Variants in GPC6 observed in about 807,000 individuals in gnomAD.
GPC6 encodes the protein glypican-6.
In GPC6, 14 loss-of-function variants were observed where a neutral mutation model predicts 55.2. The observed-to-expected ratio is 0.25, with a 90% CI of 0.17 to 0.40. The LOEUF (loss-of-function observed/expected upper bound fraction) is 0.40. GPC6 is among the 10% of genes least tolerant of loss of function. GPC6 has a pLI of 1.00. For missense variants in GPC6, 641 were observed against 708.5 expected (o/e 0.90, Z 1.08); for synonymous variants, 278 against 259.6 (o/e 1.07, Z -0.68).
chr13:94,013,578 G>C (rs1882337574), intron 3 of GPC6, among the ~76,000 whole-genome samples: 1 of 152,120 alleles, frequency 6.6e-6, no homozygotes, highest in Non-Finnish European at 1.5e-5. Flanking sequence ...TCGAATGCCT[G>C]ACCTCAGGTG....
At chr13:94,175,784 A>G (rs577391893) in intron 4 of GPC6, among the ~76,000 whole-genome samples, 12 of 149,418 alleles carry the variant, frequency 8.0e-5, no homozygotes, top group African/African-American at 2.7e-4. Context: ...ATATATAAGC[A>G]TATATACATA....
intron 1 of GPC6, among the ~76,000 whole-genome samples, chr13:93,415,613 C>T (rs991074112): frequency 6.6e-5 from 10 of 152,072 alleles, no homozygotes; most frequent in Admixed American, 2.0e-4. Context: ...AGACTGCCTT[C>T]GAGAATACCA....
intron 1 of GPC6, among the ~76,000 whole-genome samples, chr13:93,269,857 A>C (rs1207178660): frequency 7.2e-6 from 1 of 139,256 alleles, no homozygotes; most frequent in Non-Finnish European, 1.5e-5. Context: ...GCGTCACTGC[A>C]CTCCAGCCTG....
intron 1 of GPC6, among the ~76,000 whole-genome samples, chr13:93,271,161 C>T (rs533697030): frequency 6.6e-6 from 1 of 152,232 alleles, no homozygotes; most frequent in Non-Finnish European, 1.5e-5. Context: ...GGAGAGAGGC[C>T]TGGCGTATTC....
chr13:93,518,270 C>T (rs868427931), intron 1 of GPC6, among the ~76,000 whole-genome samples: 4 of 151,698 alleles, frequency 2.6e-5, no homozygotes, highest in African/African-American at 4.8e-5. Context: ...GGAGACTTCC[C>T]GGCTTCCTTA....
intron 2 of GPC6, among the ~76,000 whole-genome samples, chr13:93,804,887 A>G (rs1886495600): frequency 6.6e-6 from 1 of 152,186 alleles, no homozygotes; most frequent in South Asian, 2.1e-4. Flanking sequence ...GAGAACAGAA[A>G]GGGTCATTTC....
chr13:93,983,775 T>C (rs1880907024), intron 3 of GPC6, among the ~76,000 whole-genome samples: 1 of 105,920 alleles, frequency 9.4e-6, no homozygotes. Flanking sequence ...AAGTTTTTCA[T>C]ATTTTTGTTA....
chr13:94,104,999 G>T (rs182542594), intron 4 of GPC6, among the ~76,000 whole-genome samples: 1 of 152,046 alleles, frequency 6.6e-6, no homozygotes, highest in Non-Finnish European at 1.5e-5. Flanking sequence ...AAAAGAGCCC[G>T]CATTGCCAAC....
chr13:93,559,729 G>T (rs1448007860), intron 2 of GPC6, among the ~76,000 whole-genome samples: 1 of 152,136 alleles, frequency 6.6e-6, no homozygotes, highest in Non-Finnish European at 1.5e-5. Flanking sequence ...CATAGAAAAT[G>T]CATAATTCTT....
chr13:94,372,367 G>C (rs555251220), intron 6 of GPC6, among the ~76,000 whole-genome samples: 3 of 152,154 alleles, frequency 2.0e-5, no homozygotes, highest in Non-Finnish European at 2.9e-5. Flanking sequence ...CACCGTGCGC[G>C]AGCCGAAGCA....
At chr13:93,369,340 G>A (rs1056820898) in intron 1 of GPC6, among the ~76,000 whole-genome samples, 11 of 152,110 alleles carry the variant, frequency 7.2e-5, no homozygotes, top group African/African-American at 2.6e-4. Flanking sequence ...AAAAGGATGG[G>A]AAAAGATATA....
chr13:93,504,754 A>C (rs995622807), intron 1 of GPC6, among the ~76,000 whole-genome samples: 2 of 152,206 alleles, frequency 1.3e-5, no homozygotes, highest in African/African-American at 4.8e-5. Context: ...TATCTAAAAA[A>C]AACAACAACA....
intron 2 of GPC6, among the ~76,000 whole-genome samples, chr13:93,739,034 C>G (rs991086408): frequency 6.6e-6 from 1 of 151,690 alleles, no homozygotes; most frequent in Non-Finnish European, 1.5e-5. Context: ...GCCAGTTACC[C>G]AATACAGAGG....
chr13:93,385,371 A>T (rs532594871), intron 1 of GPC6, among the ~76,000 whole-genome samples: 6 of 152,350 alleles, frequency 3.9e-5, no homozygotes, highest in South Asian at 4.1e-4. Flanking sequence ...AGTTTGCACA[A>T]AAGTAATGGG....
intron 4 of GPC6, among the ~76,000 whole-genome samples, chr13:94,091,826 C>G (rs961661463): frequency 6.6e-6 from 1 of 151,598 alleles, no homozygotes; most frequent in Admixed American, 6.6e-5. Flanking sequence ...AGAGTCATAA[C>G]CCCTTTTAAT....
chr13:93,801,439 G>T (rs933175483), intron 2 of GPC6, among the ~76,000 whole-genome samples: 6 of 152,150 alleles, frequency 3.9e-5, no homozygotes, highest in African/African-American at 1.4e-4. Context: ...TCAATGTTGA[G>T]CATCTTTTCA....
At chr13:93,685,161 T>C (rs1396039768) in intron 2 of GPC6, among the ~76,000 whole-genome samples, 1 of 152,166 alleles carries the variant, frequency 6.6e-6, no homozygotes, top group African/African-American at 2.4e-5. Flanking sequence ...AGAGTACCAG[T>C]GTATTCATTT....
intron 3 of GPC6, among the ~76,000 whole-genome samples, chr13:93,941,126 C>G (rs1327569187): frequency 6.6e-6 from 1 of 152,078 alleles, no homozygotes; most frequent in African/African-American, 2.4e-5. Context: ...GTCATACTTG[C>G]TATGATGAAC....
At chr13:93,273,613 G>T (rs1471076578) in intron 1 of GPC6, among the ~76,000 whole-genome samples, 1 of 152,078 alleles carries the variant, frequency 6.6e-6, no homozygotes. Context: ...AACCGAGATT[G>T]CGCCACTGCA....
Sources: allele counts gnomAD v4.1 joint callset (sites outside exome capture counted in the v4.1 genomes callset), GRCh38; gene constraint gnomAD v4.1.1; transcripts MANE v1.5; gene names NCBI Gene and HGNC (gene_info 2026-07-23, HGNC 2026-07-21).